SEMA3C: variants seen among roughly 807,000 people sequenced by gnomAD.
SEMA3C encodes semaphorin-3C.
A neutral mutation model predicts 89.4 loss-of-function variants in SEMA3C; 47 were observed. That is an observed-to-expected ratio of 0.53 (90% confidence interval 0.42 to 0.67). The LOEUF is 0.67. Ranked by LOEUF, SEMA3C falls within the 30% of genes least tolerant of loss-of-function variation. SEMA3C has a pLI of 0.00. For missense variants in SEMA3C, 839 were observed against 929.1 expected (o/e 0.90, Z 1.26); for synonymous variants, 310 against 320.2 (o/e 0.97, Z 0.34).
At chr7:80,866,112 C>T (rs1488999217) in intron 2 of SEMA3C, among the ~76,000 whole-genome samples, 4 of 152,092 alleles carry the variant, frequency 2.6e-5, no homozygotes, top group Admixed American at 1.3e-4. Context: ...GGATAAAGAT[C>T]CAACAGTGTT....
At chr7:80,896,798 T>C (rs1408892963) in intron 2 of SEMA3C, among the ~76,000 whole-genome samples, 3 of 152,206 alleles carry the variant, frequency 2.0e-5, no homozygotes, top group African/African-American at 7.2e-5. Flanking sequence ...ACAACTTTTC[T>C]AGAAGCCCCT....
chr7:80,905,746 C>T (rs1791998711), intron 2 of SEMA3C: 2 of 710,556 alleles, frequency 2.8e-6, no homozygotes, highest in Admixed American at 2.4e-5. Context: ...ATGTCACCTT[C>T]TGTGAGGTGT....
intron 2 of SEMA3C, among the ~76,000 whole-genome samples, chr7:80,845,601 T>C (rs1206749729): frequency 6.6e-6 from 1 of 152,180 alleles, no homozygotes; most frequent in Non-Finnish European, 1.5e-5. Flanking sequence ...CTCATATCTG[T>C]CATTTTCTCT....
intron 2 of SEMA3C, among the ~76,000 whole-genome samples, chr7:80,854,737 G>A (rs1267164203): frequency 6.6e-6 from 1 of 152,156 alleles, no homozygotes; most frequent in Admixed American, 6.5e-5. Flanking sequence ...GTTAGCTTAT[G>A]ACTAATACCT....
At chr7:80,805,471 ATTGT>A (rs1339396613) in intron 7 of SEMA3C, among the ~76,000 whole-genome samples, 164 bp downstream of exon 7, 1 of 152,102 alleles carries the variant, frequency 6.6e-6, no homozygotes, top group Non-Finnish European at 1.5e-5. Flanking sequence ...GAGCTATTCA[ATTGT>A]TTATTTTCCC....
chr7:80,812,501 G>A (rs903302212), intron 5 of SEMA3C, among the ~76,000 whole-genome samples: 6 of 152,070 alleles, frequency 3.9e-5, no homozygotes, highest in East Asian at 1.9e-4. Context: ...GCCTTGTTGC[G>A]GTTCTAGAGC....
intron 2 of SEMA3C, among the ~76,000 whole-genome samples, chr7:80,851,574 T>C (rs1036368359): frequency 2.1e-5 from 3 of 144,386 alleles, no homozygotes; most frequent in African/African-American, 5.1e-5. Context: ...ACATCATTCA[T>C]GGGGCCATTA....
At chr7:80,849,028 G>A (rs1027437229) in intron 2 of SEMA3C, among the ~76,000 whole-genome samples, 6 of 151,972 alleles carry the variant, frequency 3.9e-5, no homozygotes, top group East Asian at 1.9e-4. Context: ...ACAGCAACAC[G>A]TTTCTTAACG....
At chr7:80,811,733 T>C (rs17191203) in intron 5 of SEMA3C, among the ~76,000 whole-genome samples, 24,754 of 152,054 alleles carry the variant, frequency 0.16, 2,191 homozygotes, top group Non-Finnish European at 0.2. Context: ...TTTAAGGAGA[T>C]TGGGAATGAA....
chr7:80,919,178 C>T (rs966471813), upstream of SEMA3C: 2 of 984,670 alleles, frequency 2.0e-6, no homozygotes, highest in African/African-American at 3.5e-5. Flanking sequence ...CAGCCCCGGC[C>T]GCATCTCCGC....
chr7:80,840,518 GA>G (rs1171113816), intron 2 of SEMA3C, among the ~76,000 whole-genome samples: 2,367 of 82,310 alleles, frequency 0.029, 23 homozygotes, highest in African/African-American at 0.056. Context: ...CTGTCTCCAG[GA>G]AAAAAAAAAA....
chr7:80,870,841 T>C (rs1179941333), intron 2 of SEMA3C, among the ~76,000 whole-genome samples: 1 of 152,160 alleles, frequency 6.6e-6, no homozygotes, highest in Non-Finnish European at 1.5e-5. Context: ...TAGACACTTG[T>C]GCCTTCTGGC....
At chr7:80,772,705 T>G (rs1239630816) in intron 12 of SEMA3C, among the ~76,000 whole-genome samples, 1 of 151,534 alleles carries the variant, frequency 6.6e-6, no homozygotes, top group Non-Finnish European at 1.5e-5. Flanking sequence ...CATGTTTTTT[T>G]TTTTGTTTGT....
chr7:80,785,983 T>C (rs1195269688), intron 12 of SEMA3C, among the ~76,000 whole-genome samples: 6 of 152,186 alleles, frequency 3.9e-5, no homozygotes, highest in Non-Finnish European at 7.3e-5. Context: ...AAAATTATAA[T>C]GCAGCCGGTT....
chr7:80,919,067 G>A (rs1792348246), upstream of SEMA3C: 2 of 985,256 alleles, frequency 2.0e-6, no homozygotes, highest in Non-Finnish European at 2.4e-6. Flanking sequence ...GAAAGTGGCC[G>A]GAGGCCGGGG....
intron 2 of SEMA3C, among the ~76,000 whole-genome samples, chr7:80,855,043 C>G (rs915876191): frequency 6.6e-6 from 1 of 152,170 alleles, no homozygotes; most frequent in East Asian, 1.9e-4. Flanking sequence ...GAATAATATA[C>G]AATATAATAA....
chr7:80,779,825 A>G (rs1014642392), intron 12 of SEMA3C, among the ~76,000 whole-genome samples: 2 of 152,196 alleles, frequency 1.3e-5, no homozygotes, highest in African/African-American at 4.8e-5. Flanking sequence ...ATCTCAGCAG[A>G]TTGAAGTGAG....
At chr7:80,906,919 A>T (rs990086564) in intron 2 of SEMA3C, among the ~76,000 whole-genome samples, 2 of 152,158 alleles carry the variant, frequency 1.3e-5, no homozygotes, top group Admixed American at 1.3e-4. Context: ...TCTATCATAG[A>T]AAATTGATTA....
chr7:80,762,838 TC>T (rs1257414948), intron 13 of SEMA3C, among the ~76,000 whole-genome samples: 2 of 152,126 alleles, frequency 1.3e-5, no homozygotes, highest in African/African-American at 4.8e-5. Flanking sequence ...TAATTAGACT[TC>T]TGGTAAAGTG....
Sources: allele counts gnomAD v4.1 joint callset (sites outside exome capture counted in the v4.1 genomes callset), GRCh38; gene constraint gnomAD v4.1.1; transcripts MANE v1.5; gene names NCBI Gene and HGNC (gene_info 2026-07-23, HGNC 2026-07-21).